The following KLHL28 variants were observed in gnomAD, a reference collection of about 807,000 sequenced individuals.
The protein encoded by KLHL28 is kelch-like protein 28.
A neutral mutation model predicts 48.3 loss-of-function variants in KLHL28; 22 were observed. That is an observed-to-expected ratio of 0.46 (90% CI 0.33 to 0.65). The LOEUF is 0.65. KLHL28 is among the 30% of genes least tolerant of loss of function. The pLI, the probability that KLHL28 is intolerant of heterozygous loss-of-function variation, is 0.03. For missense variants in KLHL28, 527 were observed against 704.3 expected, an observed-to-expected ratio of 0.75 and a Z score of 2.85; for synonymous variants, 243 against 242.4, an observed-to-expected ratio of 1.00 and a Z score of -0.02.
chr14:44,949,324 G>T (rs1423053487), intron 1 of KLHL28, among the ~76,000 whole-genome samples: 2 of 152,084 alleles, frequency 1.3e-5, no homozygotes, highest in African/African-American at 4.8e-5. Context: ...AATAAGACAT[G>T]TTACAGACTA....
intron 1 of KLHL28, among the ~76,000 whole-genome samples, chr14:44,956,431 T>C (rs1009458172): frequency 1.3e-5 from 2 of 152,278 alleles, no homozygotes; most frequent in East Asian, 3.9e-4. Context: ...ATAACACCCA[T>C]GAGTATTCTC....
intron 3 of KLHL28, among the ~76,000 whole-genome samples, chr14:44,933,455 C>T (rs774341703): frequency 2.6e-5 from 4 of 151,812 alleles, no homozygotes; most frequent in East Asian, 3.9e-4. Flanking sequence ...GGATTACAGG[C>T]GTGAACCACC....
chr14:44,945,578 T>A lies in KLHL28; in HGVS notation c.351A>T (p.Ile117=). ...SLLPAANLLQ[I]KLVLKECCAF... ...CACAACATTCTTTCAGGACAAGTTT[T>A]ATCTGGAGTAGGTTTGCTGCTGGCA... Residue 117 remains isoleucine, a synonymous_variant, in exon 2 of 5, where the codon ATA becomes ATT. Transcript: ENST00000396128. 6.2e-7 allele frequency: 1 copy of A among 1,614,214 alleles called. No individual in the cohort carries two copies. The highest frequency in any genetic ancestry group is 8.5e-7 in the Non-Finnish European group (1 of 1,180,030).
intron 3 of KLHL28, among the ~76,000 whole-genome samples, chr14:44,933,733 T>C (rs545355333): frequency 1.1e-4 from 17 of 152,178 alleles, no homozygotes; most frequent in Non-Finnish European, 1.6e-4. Flanking sequence ...TATAATATTG[T>C]ATAGACACAC....
rs201893106 is a variant in KLHL28 at position 44,945,811 on chromosome 14, G to T, written c.118C>A (p.Arg40=). The change falls in exon 2 of 5, where the codon CGA becomes AGA. Residue 40 remains arginine, a synonymous_variant. Coordinates refer to ENST00000396128, the MANE Select transcript of KLHL28 (RefSeq NM_017658.5). The part of the protein sequence containing the change: ...QHHELCDIIL[R]VGDVKIHAHK... ...GCATGAATTTTAACATCACCTACTCGAAGAATGATGTCACAGAGTTCGTGA... is the reference window on the plus strand; with the variant it reads ...GCATGAATTTTAACATCACCTACTCTAAGAATGATGTCACAGAGTTCGTGA... The T allele has an allele frequency of 9.3e-6, 15 of 1,613,934 alleles. No individual in the cohort carries two copies. Among genetic ancestry groups the T allele is most frequent in the Non-Finnish European group, 1.3e-5 (15 of 1,179,976 alleles).
At chr14:44,940,749 CTCT>C (rs1419182611) in intron 2 of KLHL28, among the ~76,000 whole-genome samples, 1 of 152,170 alleles carries the variant, frequency 6.6e-6, no homozygotes, top group Non-Finnish European at 1.5e-5. Flanking sequence ...TGATATCAAT[CTCT>C]TCTATTTCCT....
intron 3 of KLHL28, among the ~76,000 whole-genome samples, chr14:44,933,085 T>C (rs1439571739): frequency 6.6e-6 from 1 of 152,154 alleles, no homozygotes; most frequent in Non-Finnish European, 1.5e-5. Flanking sequence ...AAATCATCTC[T>C]AGATTACTTA....
intron 1 of KLHL28, among the ~76,000 whole-genome samples, chr14:44,953,341 T>C (rs984492043): frequency 5.9e-5 from 9 of 152,208 alleles, no homozygotes; most frequent in Non-Finnish European, 1.0e-4. Flanking sequence ...TGTAATTATA[T>C]AAATATTAGA....
At chr14:44,953,968 T>C (rs1328751027) in intron 1 of KLHL28, among the ~76,000 whole-genome samples, 1 of 152,098 alleles carries the variant, frequency 6.6e-6, no homozygotes, top group African/African-American at 2.4e-5. Flanking sequence ...CAGTAATACA[T>C]AAAATATTTC....
At chr14:44,947,042 C>A (rs1208326473) in intron 1 of KLHL28, among the ~76,000 whole-genome samples, 1 of 152,150 alleles carries the variant, frequency 6.6e-6, no homozygotes, top group East Asian at 1.9e-4. Context: ...ATCCCTATCC[C>A]TGGAATCTGT....
chr14:44,935,913 C>G (rs1365930235), intron 2 of KLHL28, among the ~76,000 whole-genome samples: 26 of 18,086 alleles, frequency 1.4e-3, no homozygotes, highest in Non-Finnish European at 7.6e-4. Flanking sequence ...TCTTTACCCT[C>G]CCCCCGCAAA....
chr14:44,959,242 T>C (rs1336852912), intron 1 of KLHL28: 1 of 152,120 alleles, frequency 6.6e-6, no homozygotes, highest in Non-Finnish European at 1.5e-5. Context: ...AATTACTCTT[T>C]TGTGGAAACA....
intron 1 of KLHL28, chr14:44,960,999 C>CA (rs529613436): frequency 0.033 from 20,807 of 635,218 alleles, 8 homozygotes; most frequent in Middle Eastern, 0.037. Context: ...ATTATTCCTT[C>CA]AAAAAAAAAA....
intron 1 of KLHL28, among the ~76,000 whole-genome samples, chr14:44,958,629 AAAAGT>A (rs1443232624): frequency 6.6e-6 from 1 of 152,124 alleles, no homozygotes; most frequent in African/African-American, 2.4e-5. Flanking sequence ...CAAACAAAAG[AAAAGT>A]AAAATTAGAA....
intron 2 of KLHL28, among the ~76,000 whole-genome samples, chr14:44,939,109 G>A (rs190760517): frequency 3.3e-5 from 5 of 152,308 alleles, no homozygotes; most frequent in Admixed American, 2.6e-4. Context: ...GTGCCTTCTA[G>A]AGTAGCAGCC....
In KLHL28 at chr14:44,926,267, C is replaced by T. The variant is rs1883368020; in HGVS notation, c.*2761G>A. The T allele has an allele frequency of 6.6e-6, 1 of 152,134 alleles. No individual in the cohort carries two copies. The highest frequency in any genetic ancestry group is 2.4e-5 in the African/African-American group (1 of 41,456). The allele number at this position is 152,134 out of a possible 1,614,324, so 9.4% of individuals were successfully genotyped here. On this transcript the variant is annotated 3_prime_UTR_variant, in exon 5 of 5. Transcript: ENST00000396128. ...ATACTTCTAAATTTTGAACATTTTTCCTCTTCCTTTCACAGATTTTCATAA... is the reference window on the plus strand; with the variant it reads ...ATACTTCTAAATTTTGAACATTTTTTCTCTTCCTTTCACAGATTTTCATAA...
intron 2 of KLHL28, among the ~76,000 whole-genome samples, chr14:44,938,464 C>G (rs563361565): frequency 1.1e-4 from 17 of 152,080 alleles, no homozygotes; most frequent in Admixed American, 3.3e-4. Context: ...CTCCGCCTCC[C>G]GGGTTCACAC....
chr14:44,938,332 G>C (rs1217579031), intron 2 of KLHL28, among the ~76,000 whole-genome samples: 1 of 151,600 alleles, frequency 6.6e-6, no homozygotes, highest in Admixed American at 6.6e-5. Context: ...CAAAGAGTAA[G>C]AGGGCCCAGG....
intron 1 of KLHL28, among the ~76,000 whole-genome samples, chr14:44,946,485 A>G (rs1252622378): frequency 1.3e-5 from 2 of 151,980 alleles, no homozygotes; most frequent in Non-Finnish European, 2.9e-5. Context: ...TTATGAACAG[A>G]ATCCAAAGTC....
Sources: gnomAD v4.1 joint callset for allele counts (sites outside exome capture counted in the v4.1 genomes callset) on GRCh38, gnomAD v4.1.1 for gene constraint, MANE v1.5 for transcripts, NCBI Gene and HGNC (gene_info 2026-07-23, HGNC 2026-07-21) for gene names.